MIER3: variants seen among roughly 807,000 people sequenced by gnomAD.
MIER3 encodes the protein mesoderm induction early response protein 3.
MIER3 carries 9 observed loss-of-function variants against 63.2 expected under a neutral mutation model. The observed-to-expected ratio is 0.14, with a 90% CI of 0.09 to 0.25. The LOEUF (loss-of-function observed/expected upper bound fraction) is 0.25. Ranked by LOEUF, MIER3 falls within the 10% of genes least tolerant of loss-of-function variation. MIER3 has a pLI of 1.00. For missense variants in MIER3, 512 were observed against 666.2 expected (o/e 0.77, Z 2.55); for synonymous variants, 205 against 224.9 (o/e 0.91, Z 0.79).
chr5:56,952,130 C>T (rs748493292), upstream of MIER3: 1 of 1,241,696 alleles, frequency 8.1e-7, no homozygotes. Flanking sequence ...GAACGAGCAG[C>T]GCCGAGCCCA....
intron 7 of MIER3, among the ~76,000 whole-genome samples, chr5:56,934,551 C>T (rs1365144286): frequency 4.0e-4 from 61 of 152,172 alleles, no homozygotes; most frequent in Non-Finnish European, 4.0e-4. Flanking sequence ...GGTGAGAAGG[C>T]TGGCACATCT....
At chr5:56,940,905 G>T (rs1241241706) in intron 3 of MIER3, 2 of 924,966 alleles carry the variant, frequency 2.2e-6, no homozygotes, top group East Asian at 1.2e-4. Flanking sequence ...GAGGTGCCTG[G>T]GTTGCAGCCT....
At position 56,920,036 on chromosome 5, in the gene MIER3, T is replaced by C. The variant is rs1033003348; in HGVS notation, c.*3092A>G. 3.9e-5 allele frequency: 6 copies of C among 152,632 alleles called. No individual in the cohort carries two copies. Among genetic ancestry groups the C allele is most frequent in the African/African-American group, 1.4e-4 (6 of 41,456 alleles). 9.5% of individuals were successfully genotyped at this position (152,632 alleles called of 1,614,324 possible). On this transcript the variant is annotated 3_prime_UTR_variant, in exon 13 of 13. Coordinates refer to ENST00000381199, the MANE Select transcript of MIER3 (RefSeq NM_001297599.2). ...TTTATTTGTTAGTTTACATTCAAAG[T>C]TGAAATATTCACTAGAGACTTTGGT...
At chr5:56,927,250 TTAA>T (rs1157945488) in intron 10 of MIER3, among the ~76,000 whole-genome samples, 11 of 151,992 alleles carry the variant, frequency 7.2e-5, no homozygotes, top group Middle Eastern at 3.4e-3. Context: ...TGGACTTTAA[TTAA>T]TAATAATGTA....
chr5:56,931,671 T>TTA (rs1750271964), intron 8 of MIER3, among the ~76,000 whole-genome samples: 1 of 152,234 alleles, frequency 6.6e-6, no homozygotes, highest in African/African-American at 2.4e-5. Flanking sequence ...TGTAAAAACC[T>TTA]TAGATGTATT....
chr5:56,926,069 CAT>C (rs1371809117), intron 10 of MIER3, among the ~76,000 whole-genome samples: 1 of 152,010 alleles, frequency 6.6e-6, no homozygotes, highest in African/African-American at 2.4e-5. Flanking sequence ...TGAATCTAGA[CAT>C]AGACCTTACT....
At position 56,921,509 on chromosome 5, in the gene MIER3, T is replaced by C. The variant is rs557248644; in HGVS notation, c.*1619A>G. On this transcript the variant is annotated 3_prime_UTR_variant, in exon 13 of 13. Transcript: ENST00000381199. ...TAAACTAAATTTTATACTAATGTGC[T>C]ACTGCGTAAACACTTCAAAGCAATC... The C allele has an allele frequency of 3.7e-4, 57 of 152,764 alleles. No individual in the cohort carries two copies. The highest frequency in any genetic ancestry group is 5.9e-4 in the Admixed American group (9 of 15,294). 9.5% of individuals were successfully genotyped at this position (152,764 alleles called of 1,614,324 possible). A position where few individuals can be genotyped will look rare whatever the true frequency, so the allele number is the denominator to read the frequency against.
intron 7 of MIER3, among the ~76,000 whole-genome samples, chr5:56,934,701 G>A (rs1750379803): frequency 6.8e-6 from 1 of 147,972 alleles, no homozygotes; most frequent in African/African-American, 2.5e-5. Context: ...TTTAAATGGA[G>A]GATGACCTGG....
At chr5:56,928,602 C>T in intron 10 of MIER3, 165 bp downstream of exon 10, 1 of 501,534 alleles carries the variant, frequency 2.0e-6, no homozygotes, top group Admixed American at 3.7e-5. Context: ...ATTCCATAAG[C>T]AGGCTGTGGC....
Position 56,928,627 on chromosome 5 carries a change from T to C in MIER3, c.924+140A>G, listed in dbSNP as rs577718458. On this transcript the variant is annotated intron_variant, in intron 10 of 12. Coordinates refer to ENST00000381199, the MANE Select transcript of MIER3 (RefSeq NM_001297599.2). The stretch of plus-strand genomic sequence containing the variant: ...CAGGCTGTGGCATCTCTGAGCAAAT[T>C]AGTCATGTTAGAATGATATCTGAAA... 5 of 548,164 alleles carry C rather than the reference T, an allele frequency of 9.1e-6. No homozygotes were observed. The South Asian group carries it at 9.5e-5, about 10-fold the overall frequency. 34.0% of individuals were successfully genotyped at this position (548,164 alleles called of 1,614,324 possible).
intron 10 of MIER3, among the ~76,000 whole-genome samples, chr5:56,924,888 G>A (rs914402350): frequency 6.6e-6 from 1 of 152,158 alleles, no homozygotes; most frequent in Non-Finnish European, 1.5e-5. Flanking sequence ...TTACTAATAT[G>A]GGAATAAGCT....
intron 1 of MIER3, 87 bp downstream of exon 1, chr5:56,952,007 C>T: frequency 8.9e-7 from 1 of 1,129,430 alleles, no homozygotes; most frequent in Non-Finnish European, 1.1e-6. Flanking sequence ...GAAAGAGCCC[C>T]GGATCCCCCA....
intron 3 of MIER3, chr5:56,940,967 C>A: frequency 2.0e-6 from 2 of 985,432 alleles, no homozygotes; most frequent in Non-Finnish European, 2.4e-6. Flanking sequence ...GTTTCACACT[C>A]TCTCCCTGAA....
chr5:56,934,179 T>C (rs1448752578), intron 7 of MIER3, among the ~76,000 whole-genome samples: 1 of 151,988 alleles, frequency 6.6e-6, no homozygotes, highest in African/African-American at 2.4e-5. Flanking sequence ...CTATAGCTAA[T>C]AAAAATAATT....
intron 9 of MIER3, among the ~76,000 whole-genome samples, chr5:56,930,396 C>A (rs1275143475): frequency 1.3e-5 from 2 of 151,332 alleles, no homozygotes; most frequent in Non-Finnish European, 2.9e-5. Context: ...TTACTTTGGA[C>A]ATATTGTCAT....
Position 56,923,092 on chromosome 5 carries a change from G to T in MIER3, c.*36C>A. The T allele has an allele frequency of 6.3e-7, 1 of 1,579,460 alleles. No homozygotes were observed. The highest frequency in any genetic ancestry group is 8.7e-7 in the Non-Finnish European group (1 of 1,153,392). Reference sequence around the variant, plus strand: ...CCTGATAGCTCCCCTCAAGTTTACTGGTGCTGCACACGCAGTTCCGGGATC... The same window carrying T: ...CCTGATAGCTCCCCTCAAGTTTACTTGTGCTGCACACGCAGTTCCGGGATC... On this transcript the variant is annotated 3_prime_UTR_variant, in exon 13 of 13. Transcript: ENST00000381199.
chr5:56,950,699 A>G, intron 1 of MIER3, 47 bp from the exon 2 acceptor site: 1 of 1,609,106 alleles, frequency 6.2e-7, no homozygotes, highest in Non-Finnish European at 8.5e-7. Flanking sequence ...ACAGCCAGGG[A>G]AAGAGGCAGC....
At chr5:56,924,558 G>C in intron 10 of MIER3, among the ~76,000 whole-genome samples, 1 of 152,204 alleles carries the variant, frequency 6.6e-6, no homozygotes, top group East Asian at 1.9e-4. Context: ...AGAACCCTTG[G>C]CAAATGGACC....
rs1750491006 is a variant in MIER3 at position 56,937,565 on chromosome 5, C to T, written c.436+13G>A. The T allele has an allele frequency of 6.9e-6, 11 of 1,591,960 alleles. No individual in the cohort carries two copies. The highest frequency in any genetic ancestry group is 9.4e-6 in the Non-Finnish European group (11 of 1,168,174). Reference sequence around the variant, plus strand: ...AATGTTACTATTTATCAGTAATCCACTGGGTTTCTTACATCGTAAAGGCCT... The same window carrying T: ...AATGTTACTATTTATCAGTAATCCATTGGGTTTCTTACATCGTAAAGGCCT... On this transcript the variant is annotated intron_variant, in intron 5 of 12. Transcript: ENST00000381199.
Sources: gnomAD v4.1 joint callset for allele counts (sites outside exome capture counted in the v4.1 genomes callset) on GRCh38, gnomAD v4.1.1 for gene constraint, MANE v1.5 for transcripts, NCBI Gene and HGNC (gene_info 2026-07-23, HGNC 2026-07-21) for gene names.